Variants in SCUBE1 observed in about 807,000 individuals in gnomAD.
SCUBE1 encodes the protein signal peptide, CUB domain and EGF like domain containing 1, also known as signal peptide, CUB and EGF-like domain-containing protein 1.
In SCUBE1, 59 loss-of-function variants were observed where a neutral mutation model predicts 124.4. That is an observed-to-expected ratio of 0.47 (90% confidence interval 0.38 to 0.59). SCUBE1 has a LOEUF of 0.59. SCUBE1 is among the 20% of genes least tolerant of loss of function. The probability of loss-of-function intolerance (pLI) is 0.00; values close to 1 mark genes in which losing one functional copy is unlikely to be tolerated. For synonymous variants in SCUBE1, 545 were observed against 550.9 expected, an observed-to-expected ratio of 0.99 and a Z score of 0.15; for missense variants, 1,150 against 1,371.2, an observed-to-expected ratio of 0.84 and a Z score of 2.55.
chr22:43,219,485 T>C (rs1240425173), intron 14 of SCUBE1, among the ~76,000 whole-genome samples: 1 of 143,316 alleles, frequency 7.0e-6, no homozygotes, highest in East Asian at 1.9e-4. Context: ...ATTTCCTTTT[T>C]TTTTTTTTGA....
intron 1 of SCUBE1, among the ~76,000 whole-genome samples, chr22:43,340,635 A>AC (rs71186580): frequency 1 from 152,104 of 152,272 alleles, 75,968 homozygotes; most frequent in Middle Eastern, 1. Context: ...AGATGAGGAA[A>AC]TGAGGCCCAG....
intron 4 of SCUBE1, among the ~76,000 whole-genome samples, chr22:43,287,054 G>A (rs575700296): frequency 4.6e-5 from 7 of 152,188 alleles, no homozygotes; most frequent in African/African-American, 4.8e-5. Flanking sequence ...TGGGGGCAGC[G>A]GGTGGGCCCC....
At chr22:43,204,384 C>T (rs960773121) in intron 21 of SCUBE1, among the ~76,000 whole-genome samples, 3 of 151,976 alleles carry the variant, frequency 2.0e-5, no homozygotes, top group African/African-American at 4.8e-5. Context: ...CACTGCACCT[C>T]GCCTCCTGAG....
rs762470513 is a variant in SCUBE1, at chr22:43,339,247, G to T, written c.89-12C>A. On this transcript the variant is annotated splice_polypyrimidine_tract_variant and intron_variant, in intron 1 of 21. Transcript: ENST00000360835. ...CACGTCGACTGACCCTGTGGGTAGG[G>T]GTGTGGGGGGAATAAGAGGTAAGGT... 1.9e-5 allele frequency: 31 copies of T among 1,612,286 alleles called. No homozygotes were observed. The highest frequency in any genetic ancestry group is 2.2e-5 in the East Asian group (1 of 44,850).
chr22:43,227,734 C>T (rs1922383454), intron 9 of SCUBE1, among the ~76,000 whole-genome samples: 1 of 152,208 alleles, frequency 6.6e-6, no homozygotes, highest in Non-Finnish European at 1.5e-5. Flanking sequence ...TGAACTCAAG[C>T]AGCTGCACCC....
In SCUBE1 at chr22:43,210,986, G is replaced by A. The variant is rs1569495751; in HGVS notation, c.2319C>T (p.Cys773=). Residue 773 remains cysteine, a synonymous_variant, in exon 18 of 22, where the codon TGC becomes TGT. Coordinates refer to ENST00000360835, the MANE Select transcript of SCUBE1 (RefSeq NM_173050.5). The surrounding 1 kb of genome is among the most constrained non-coding windows in gnomAD (Gnocchi z 4.5). ...TGCTGGTGTTGCCCGGACAGGTGAT[G>A]CAGTGGTTCTGGCCAAACTCGGGCT... is the stretch of plus-strand genomic sequence containing the variant. ...TYQPEFGQNH[C]ITCPGNTSTD... is the part of the protein sequence containing the mutation. The A allele has an allele frequency of 1.2e-6, 2 of 1,614,162 alleles. No homozygotes were observed. The highest frequency in any genetic ancestry group is 8.5e-7 in the Non-Finnish European group (1 of 1,180,022).
At position 43,228,445 on chromosome 22, in the gene SCUBE1, A is replaced by G. The variant is rs143713146; in HGVS notation, c.1084+627T>C. Among the ~76,000 whole-genome samples, 324 of 152,220 alleles carry G rather than the reference A, an allele frequency of 2.1e-3. 2 individuals carry two copies. The highest frequency in any genetic ancestry group is 7.5e-3 in the African/African-American group (311 of 41,516). ...GGCATCTAGTTCCATGAACTTGACCATATCACACCCCTGCTTAAACCCTCC... is the reference window on the plus strand; with the variant it reads ...GGCATCTAGTTCCATGAACTTGACCGTATCACACCCCTGCTTAAACCCTCC... On this transcript the variant is annotated intron_variant, in intron 9 of 21. Transcript: ENST00000360835.
At chr22:43,287,685 G>A (rs1925198956) in intron 4 of SCUBE1, among the ~76,000 whole-genome samples, 2 of 152,374 alleles carry the variant, frequency 1.3e-5, no homozygotes, top group Middle Eastern at 3.4e-3. Context: ...CAGGCATGAG[G>A]AAGAGTCAGG....
At chr22:43,265,039 T>C (rs935197682) in intron 4 of SCUBE1, among the ~76,000 whole-genome samples, 1 of 152,218 alleles carries the variant, frequency 6.6e-6, no homozygotes, top group African/African-American at 2.4e-5. Context: ...CAAAGGCTTA[T>C]AGATGATGAA....
intron 6 of SCUBE1, among the ~76,000 whole-genome samples, chr22:43,240,445 G>A (rs182674050): frequency 1.2e-4 from 19 of 152,350 alleles, no homozygotes; most frequent in Non-Finnish European, 1.8e-4. Context: ...TGATACCCCA[G>A]ACACGGAGGG....
At chr22:43,318,731 T>C (rs1174485510) in intron 3 of SCUBE1, among the ~76,000 whole-genome samples, 2 of 152,190 alleles carry the variant, frequency 1.3e-5, no homozygotes, top group African/African-American at 4.8e-5. Context: ...ACTCTTGTAA[T>C]TATTTTTTTG....
intron 6 of SCUBE1, among the ~76,000 whole-genome samples, chr22:43,253,896 G>T (rs762161329): frequency 5.9e-5 from 9 of 152,180 alleles, no homozygotes; most frequent in Non-Finnish European, 1.2e-4. Flanking sequence ...CGAGGGCCCT[G>T]CCCTGGGCCC....
In SCUBE1 at chr22:43,222,654, G is replaced by A. The variant is rs1007862970; in HGVS notation, c.1416C>T (p.Leu472=). Residue 472 remains leucine, a synonymous_variant, in exon 12 of 22, where the codon CTC becomes CTT. Transcript: ENST00000360835. Reference sequence around the variant, plus strand: ...GGGGGTTACCTGAGCAGCTGGGCCCGAGGCCAGAGCTGGTGCCGTTGCGTT... The same window carrying A: ...GGGGGTTACCTGAGCAGCTGGGCCCAAGGCCAGAGCTGGTGCCGTTGCGTT... ...LQKRNGTSSG[L]GPSCSDAPTT... 1.1e-5 allele frequency: 18 copies of A among 1,595,100 alleles called. 1 individual carries two copies. In the Admixed American group the frequency reaches 2.9e-4, roughly 26 times the overall value.
chr22:43,326,151 T>C (rs1926720454), intron 2 of SCUBE1, among the ~76,000 whole-genome samples: 2 of 152,144 alleles, frequency 1.3e-5, no homozygotes, highest in Admixed American at 6.5e-5. Flanking sequence ...CACTCTCTAC[T>C]CTCGGAGATC....
chr22:43,340,925 C>G (rs963769276), intron 1 of SCUBE1, among the ~76,000 whole-genome samples: 1 of 152,180 alleles, frequency 6.6e-6, no homozygotes, highest in Non-Finnish European at 1.5e-5. Flanking sequence ...CTCTAAATTT[C>G]TCCCCTGGAT....
intron 2 of SCUBE1, among the ~76,000 whole-genome samples, chr22:43,330,502 A>G (rs893757537): frequency 2.6e-5 from 4 of 152,076 alleles, no homozygotes; most frequent in African/African-American, 7.2e-5. Context: ...ATCTTTTCCA[A>G]TCTGTGTCTC....
At chr22:43,263,885 C>T (rs1315736992) in intron 4 of SCUBE1, among the ~76,000 whole-genome samples, 6 of 152,186 alleles carry the variant, frequency 3.9e-5, no homozygotes, top group South Asian at 2.1e-4. Context: ...GCACGGAAAG[C>T]GCTTTCATGC....
In SCUBE1 at chr22:43,330,285, A is replaced by G. The variant is rs137860139; in HGVS notation, c.220+8819T>C. Among the ~76,000 whole-genome samples the G allele has an allele frequency of 7.0e-3, 1,073 of 152,270 alleles. 6 individuals are homozygous for G. The highest frequency in any genetic ancestry group is 0.011 in the Non-Finnish European group (767 of 68,006). On this transcript the variant is annotated intron_variant, in intron 2 of 21. Transcript: ENST00000360835. ...AAATGCAGACCTCTAAATCCTTGCT[A>G]CAAATGCTTCCATTGACCATCACAG...
chr22:43,291,011 G>T (rs770604014), intron 4 of SCUBE1, 35 bp downstream of exon 4: 6 of 1,542,480 alleles, frequency 3.9e-6, no homozygotes, highest in South Asian at 3.6e-5. Context: ...CCATCCTGGG[G>T]GGGGACATGC....
Sources: allele counts gnomAD v4.1 joint callset (sites outside exome capture counted in the v4.1 genomes callset), GRCh38; gene constraint gnomAD v4.1.1; non-coding constraint Gnocchi (gnomAD v3.1); transcripts MANE v1.5; gene names NCBI Gene and HGNC (gene_info 2026-07-23, HGNC 2026-07-21).